The following LIFR variants were observed in gnomAD, a reference collection of about 807,000 sequenced individuals.
LIFR encodes the protein leukemia inhibitory factor receptor.
LIFR carries 84 observed loss-of-function variants against 122.2 expected under a neutral mutation model. That is an observed-to-expected ratio of 0.69 (90% CI 0.58 to 0.82). LIFR has a LOEUF of 0.82. LIFR is among the 40% of genes least tolerant of loss of function. LIFR has a pLI of 0.00. For missense variants in LIFR, 1,294 were observed against 1,311.6 expected, an observed-to-expected ratio of 0.99 and a Z score of 0.21; for synonymous variants, 422 against 434.7, an observed-to-expected ratio of 0.97 and a Z score of 0.36.
intron 11 of LIFR, among the ~76,000 whole-genome samples, chr5:38,502,425 A>G (rs970859745): frequency 1.3e-5 from 2 of 151,908 alleles, no homozygotes; most frequent in Non-Finnish European, 2.9e-5. Context: ...ATGCCCAGCT[A>G]ATTTTGTATT....
chr5:38,530,835 A>T, intron 1 of LIFR, 169 bp from the exon 2 acceptor site: 1 of 642,014 alleles, frequency 1.6e-6, no homozygotes, highest in Non-Finnish European at 2.8e-6. Flanking sequence ...GACATCAATA[A>T]TTGGACACAG....
At chr5:38,516,256 T>C (rs192798083) in intron 5 of LIFR, among the ~76,000 whole-genome samples, 187 of 152,290 alleles carry the variant, frequency 1.2e-3, no homozygotes, top group Middle Eastern at 6.8e-3. Context: ...TCTAGTATTC[T>C]CTAGTTAGTT....
intron 1 of LIFR, chr5:38,608,083 A>G (rs1179877839): frequency 6.6e-6 from 1 of 152,182 alleles, no homozygotes; most frequent in East Asian, 1.9e-4. Flanking sequence ...ATCATTGCTC[A>G]TATCCCTAAT....
intron 1 of LIFR, among the ~76,000 whole-genome samples, chr5:38,541,719 T>C (rs528036260): frequency 6.6e-6 from 1 of 152,184 alleles, no homozygotes; most frequent in South Asian, 2.1e-4. Flanking sequence ...TGGAAAAAAA[T>C]GGGCAAAATA....
intron 1 of LIFR, among the ~76,000 whole-genome samples, chr5:38,550,962 A>G (rs1748171361): frequency 6.6e-6 from 1 of 152,128 alleles, no homozygotes; most frequent in South Asian, 2.1e-4. Context: ...TTAATTTTCT[A>G]TTATTCATAA....
chr5:38,575,281 A>T (rs1258778713), intron 1 of LIFR, among the ~76,000 whole-genome samples: 1 of 152,172 alleles, frequency 6.6e-6, no homozygotes, highest in African/African-American at 2.4e-5. Context: ...AAGAGTAGTG[A>T]TTGGAAGGGG....
chr5:38,528,642 G>A (rs1746818957), intron 3 of LIFR, 84 bp downstream of exon 3: 1 of 854,008 alleles, frequency 1.2e-6, no homozygotes, highest in Non-Finnish European at 2.0e-6. Flanking sequence ...TAACCCTTTA[G>A]TTTCACAAGC....
At chr5:38,496,317 G>GT in intron 13 of LIFR, 65 bp downstream of exon 13, 1 of 1,273,898 alleles carries the variant, frequency 7.8e-7, no homozygotes, top group Non-Finnish European at 1.1e-6. Context: ...AAAAGAGCAA[G>GT]TAACATCAGA....
At chr5:38,571,144 C>T (rs1403056782) in intron 1 of LIFR, among the ~76,000 whole-genome samples, 1 of 152,088 alleles carries the variant, frequency 6.6e-6, no homozygotes, top group Non-Finnish European at 1.5e-5. Context: ...CTTCATCAGC[C>T]AAAGGTTAAA....
At chr5:38,598,253 T>G (rs1261260698), upstream of LIFR, among the ~76,000 whole-genome samples, 1 of 58,972 alleles carries the variant, frequency 1.7e-5, no homozygotes, top group Non-Finnish European at 3.2e-5. Context: ...TTATTTTTTT[T>G]TTTTTTCTTT....
chr5:38,562,272 C>T lies in LIFR; in HGVS notation c.-19-31606G>A, dbSNP rs145091286. ...TTCTTGCCTCTCCCATCTTCTTTTC[C>T]GCCTCCGTCTTCACGTATACCTCAC... On this transcript the variant is annotated intron_variant, in intron 1 of 19. Coordinates refer to the LIFR transcript ENST00000263409. Among the ~76,000 whole-genome samples the T allele has an allele frequency of 4.9e-3, 747 of 152,246 alleles. 15 individuals are homozygous for T. Among genetic ancestry groups the T allele is most frequent in the Admixed American group, 0.042 (638 of 15,274 alleles).
intron 5 of LIFR, among the ~76,000 whole-genome samples, chr5:38,517,954 A>C (rs1746189833): frequency 6.7e-6 from 1 of 149,182 alleles, no homozygotes. Flanking sequence ...AAAAAAAAAA[A>C]ACAAACAAAA....
intron 7 of LIFR, among the ~76,000 whole-genome samples, chr5:38,508,765 T>A (rs1365923851): frequency 2.0e-5 from 3 of 151,192 alleles, no homozygotes; most frequent in Admixed American, 1.3e-4. Context: ...TTTCTTTTTT[T>A]AATAGAGACA....
chr5:38,526,416 T>A (rs972612400), intron 4 of LIFR, among the ~76,000 whole-genome samples: 13 of 54,404 alleles, frequency 2.4e-4, no homozygotes, highest in Non-Finnish European at 2.9e-4. Context: ...CAAACTTTAC[T>A]GTGTGTGTGT....
chr5:38,564,745 CACACACA>C (rs759461538), intron 1 of LIFR, among the ~76,000 whole-genome samples: 1 of 134,726 alleles, frequency 7.4e-6, no homozygotes, highest in African/African-American at 3.1e-5. Flanking sequence ...TACACACACA[CACACACA>C]CACACACACA....
At chr5:38,519,636 T>C (rs902025145) in intron 5 of LIFR, among the ~76,000 whole-genome samples, 31 of 152,326 alleles carry the variant, frequency 2.0e-4, no homozygotes, top group African/African-American at 7.0e-4. Context: ...TCTCAGTCTC[T>C]AGTATCTATC....
At chr5:38,571,312 G>A (rs1749200130) in intron 1 of LIFR, among the ~76,000 whole-genome samples, 1 of 152,158 alleles carries the variant, frequency 6.6e-6, no homozygotes, top group African/African-American at 2.4e-5. Context: ...AGCACTTTGG[G>A]AGGCTGAGGC....
chr5:38,586,253 TCA>T (rs1749745236), intron 1 of LIFR, among the ~76,000 whole-genome samples: 1 of 152,236 alleles, frequency 6.6e-6, no homozygotes, highest in Admixed American at 6.5e-5. Flanking sequence ...TTCCTTTAAC[TCA>T]CAGTTTCTTC....
chr5:38,556,870 G>A (rs1336042252), upstream of LIFR: 3 of 151,646 alleles, frequency 2.0e-5, no homozygotes, highest in Admixed American at 6.6e-5. Context: ...CCGAGCCTCC[G>A]GTGGTGAGGC....
Sources: gnomAD v4.1 joint callset for allele counts (sites outside exome capture counted in the v4.1 genomes callset) on GRCh38, gnomAD v4.1.1 for gene constraint, MANE v1.5 for transcripts, NCBI Gene and HGNC (gene_info 2026-07-23, HGNC 2026-07-21) for gene names.